The following SHROOM3 variants were observed in gnomAD, a reference collection of about 807,000 sequenced individuals.
SHROOM3 encodes the protein shroom family member 3.
A neutral mutation model predicts 138.6 loss-of-function variants in SHROOM3; 47 were observed. The ratio of observed to expected loss-of-function variants is 0.34; its 90% CI spans 0.27 to 0.43. SHROOM3 has a LOEUF of 0.43. Ranked by LOEUF, SHROOM3 falls within the 20% of genes least tolerant of loss-of-function variation. The probability of loss-of-function intolerance (pLI) is 1.00; values close to 1 mark genes in which losing one functional copy is unlikely to be tolerated. For missense variants in SHROOM3, 2,491 were observed against 2,596.5 expected (o/e 0.96, Z 0.88); for synonymous variants, 1,062 against 1,063.3 (o/e 1.00, Z 0.02).
In SHROOM3 at chr4:76,541,744, G is replaced by C. The variant is rs1733105842; in HGVS notation, c.169-13865G>C. On this transcript the variant is annotated intron_variant, in intron 1 of 10. Coordinates refer to ENST00000296043, the MANE Select transcript of SHROOM3 (RefSeq NM_020859.4). Reference sequence around the variant, plus strand: ...GACTTTGAGAAACTAGTTTGGGGCTGGAACTGTCTCCCATGCCCTTTCTAA... The same window carrying C: ...GACTTTGAGAAACTAGTTTGGGGCTCGAACTGTCTCCCATGCCCTTTCTAA... Among the ~76,000 whole-genome samples, 3 of 152,058 alleles carry C rather than the reference G, an allele frequency of 2.0e-5. No individual in the cohort carries two copies. In the South Asian group the frequency reaches 6.2e-4, roughly 31 times the overall value.
intron 2 of SHROOM3, among the ~76,000 whole-genome samples, chr4:76,666,749 A>G (rs1443186815): frequency 1.3e-5 from 2 of 152,216 alleles, no homozygotes; most frequent in African/African-American, 4.8e-5. Flanking sequence ...CAGAGCAAGC[A>G]GGGACTCAGA....
chr4:76,732,663 G>A (rs1720921016), intron 4 of SHROOM3, among the ~76,000 whole-genome samples: 8 of 152,184 alleles, frequency 5.3e-5, no homozygotes. Flanking sequence ...TGCTTTACAG[G>A]CATGGAGGTG....
intron 1 of SHROOM3, chr4:76,532,157 GTT>G (rs1188466676): frequency 2.7e-5 from 4 of 149,154 alleles, no homozygotes; most frequent in Admixed American, 6.8e-5. Flanking sequence ...AACATGCTGT[GTT>G]TTGTTTTTTG....
At chr4:76,684,064 C>A (rs1719269152) in intron 2 of SHROOM3, among the ~76,000 whole-genome samples, 1 of 152,296 alleles carries the variant, frequency 6.6e-6, no homozygotes, top group Non-Finnish European at 1.5e-5. Context: ...ATGTGGACAT[C>A]TCTCCATGTC....
At chr4:76,639,636 G>GA (rs78816138) in intron 2 of SHROOM3, 36,515 of 398,408 alleles carry the variant, frequency 0.092, 1,854 homozygotes, top group East Asian at 0.16. Flanking sequence ...AGAAGACAAC[G>GA]AAACATGTAA....
At chr4:76,691,462 G>C (rs868776822) in intron 2 of SHROOM3, among the ~76,000 whole-genome samples, 4 of 152,146 alleles carry the variant, frequency 2.6e-5, no homozygotes, top group African/African-American at 9.7e-5. Context: ...AGGAGGTGGA[G>C]CCCTGTTTTG....
chr4:76,672,771 A>C (rs1577965576), intron 2 of SHROOM3, among the ~76,000 whole-genome samples: 1 of 152,176 alleles, frequency 6.6e-6, no homozygotes, highest in African/African-American at 2.4e-5. Context: ...ACAGGGTTTC[A>C]CCATGTTAGC....
intron 2 of SHROOM3, among the ~76,000 whole-genome samples, chr4:76,600,304 C>T (rs1206288523): frequency 6.6e-6 from 1 of 150,436 alleles, no homozygotes; most frequent in African/African-American, 2.4e-5. Flanking sequence ...TTCCATGCCA[C>T]GTGAGTCAAA....
At chr4:76,641,541 C>T (rs1013289386) in intron 2 of SHROOM3, among the ~76,000 whole-genome samples, 13 of 152,202 alleles carry the variant, frequency 8.5e-5, no homozygotes, top group African/African-American at 2.9e-4. Flanking sequence ...AGCCGATGCA[C>T]GGAAGTAACA....
intron 3 of SHROOM3, among the ~76,000 whole-genome samples, chr4:76,729,249 A>T (rs947679916): frequency 6.6e-6 from 1 of 152,152 alleles, no homozygotes; most frequent in Non-Finnish European, 1.5e-5. Flanking sequence ...ATTAGAACCC[A>T]GGTTTTTCTT....
chr4:76,471,217 A>G (rs1206991598), intron 1 of SHROOM3, among the ~76,000 whole-genome samples: 2 of 151,854 alleles, frequency 1.3e-5, no homozygotes, highest in African/African-American at 2.4e-5. Flanking sequence ...GCTATTGCTT[A>G]TAAAGACTAG....
intron 10 of SHROOM3, among the ~76,000 whole-genome samples, chr4:76,775,656 A>G (rs1368334460): frequency 1.3e-5 from 2 of 151,516 alleles, no homozygotes; most frequent in East Asian, 3.9e-4. Context: ...ATGCCCATCA[A>G]TTAACAAGTG....
At chr4:76,608,242 G>A (rs1231293370) in intron 2 of SHROOM3, among the ~76,000 whole-genome samples, 2 of 152,158 alleles carry the variant, frequency 1.3e-5, no homozygotes, top group African/African-American at 4.8e-5. Context: ...TTTAGCTCTC[G>A]AGGGAGCGCA....
At chr4:76,662,889 G>A (rs1718575300) in intron 2 of SHROOM3, among the ~76,000 whole-genome samples, 1 of 151,868 alleles carries the variant, frequency 6.6e-6, no homozygotes, top group Admixed American at 6.6e-5. Context: ...CTGAGGGAGA[G>A]GGAGAGAGAG....
chr4:76,461,217 G>C (rs1731136496), intron 1 of SHROOM3, among the ~76,000 whole-genome samples: 1 of 152,048 alleles, frequency 6.6e-6, no homozygotes, highest in East Asian at 1.9e-4. Flanking sequence ...CACAGATAAT[G>C]CAAAATTAGC....
chr4:76,452,360 T>C (rs1452163988), intron 1 of SHROOM3, among the ~76,000 whole-genome samples: 1 of 152,214 alleles, frequency 6.6e-6, no homozygotes, highest in East Asian at 1.9e-4. Context: ...TGAAACTCTG[T>C]ATCCATTAAA....
chr4:76,649,660 C>A (rs1735910865), intron 2 of SHROOM3, among the ~76,000 whole-genome samples: 1 of 152,074 alleles, frequency 6.6e-6, no homozygotes. Context: ...GATAAGAGTG[C>A]TTTATAACTG....
Position 76,730,865 on chromosome 4 carries a change from C to A in SHROOM3, c.517C>A (p.Pro173Thr), listed in dbSNP as rs202067002. The change falls in exon 4 of 11, where the codon CCC (proline) becomes ACC (threonine). Residue 173 changes from proline (P) to threonine (T), a missense_variant. Around this residue, in one of 4 missense-constraint regions of SHROOM3, gnomAD observed 284 missense variants for 322.8 expected, o/e 0.88. Coordinates refer to ENST00000296043, the MANE Select transcript of SHROOM3 (RefSeq NM_020859.4). ...WHTTKSGEKQ[P>T]DASMMQISQG... ...CACAACTAAATCTGGGGAGAAGCAACCCGATGCCAGCATGATGCAGATATC... is the reference window on the plus strand; with the variant it reads ...CACAACTAAATCTGGGGAGAAGCAAACCGATGCCAGCATGATGCAGATATC... 11 of 1,614,116 alleles carry A rather than the reference C, an allele frequency of 6.8e-6. No homozygotes were observed. In the East Asian group the frequency reaches 1.8e-4, roughly 26 times the overall value.
intron 2 of SHROOM3, among the ~76,000 whole-genome samples, chr4:76,700,543 C>G (rs1391463071): frequency 1.3e-5 from 2 of 152,020 alleles, no homozygotes; most frequent in African/African-American, 2.4e-5. Context: ...GGACTTATGG[C>G]GTGTATGTAT....
Sources: allele counts gnomAD v4.1 joint callset (sites outside exome capture counted in the v4.1 genomes callset), GRCh38; gene constraint gnomAD v4.1.1; regional missense constraint gnomAD v4.1.1; transcripts MANE v1.5; gene names NCBI Gene and HGNC (gene_info 2026-07-23, HGNC 2026-07-21).